Variants in WNT8B observed in about 807,000 individuals in gnomAD.
WNT8B encodes the protein protein Wnt-8b.
WNT8B carries 24 observed loss-of-function variants against 36.6 expected under a neutral mutation model. The observed-to-expected ratio is 0.66, with a 90% CI of 0.48 to 0.92. The LOEUF (loss-of-function observed/expected upper bound fraction) is 0.92. Ranked by LOEUF, WNT8B falls within the 40% of genes least tolerant of loss-of-function variation. WNT8B has a pLI of 0.00. For synonymous variants in WNT8B, 199 were observed against 189.8 expected (o/e 1.05, Z -0.40); for missense variants, 402 against 470.8 (o/e 0.85, Z 1.35).
In WNT8B at chr10:100,481,783, A is replaced by C. The variant is rs1446178832; in HGVS notation, c.368-129A>C. 3 of 1,310,814 alleles carry C rather than the reference A, an allele frequency of 2.3e-6. No homozygotes were observed. In the Admixed American group the frequency reaches 7.7e-5, roughly 34 times the overall value. The allele number at this position is 1,310,814 out of a possible 1,614,324, so 81.2% of individuals were successfully genotyped here. A position where few individuals can be genotyped will look rare whatever the true frequency, so the allele number is the denominator to read the frequency against. On this transcript the variant is annotated intron_variant, in intron 4 of 5. Coordinates refer to ENST00000343737, the MANE Select transcript of WNT8B (RefSeq NM_003393.4). ...TCTAGACGGCAACTGATCTGGATACAGGGCACTCGCCCAACCTTAATCCTC... is the reference window on the plus strand; with the variant it reads ...TCTAGACGGCAACTGATCTGGATACCGGGCACTCGCCCAACCTTAATCCTC...
rs557430650 is a variant in WNT8B, at chr10:100,481,155, G to C, written c.367+32G>C. 5 of 1,610,008 alleles carry C rather than the reference G, an allele frequency of 3.1e-6. No individual in the cohort carries two copies. The Middle Eastern group carries it at 5.1e-4, about 165-fold the overall frequency. On this transcript the variant is annotated intron_variant, in intron 4 of 5. Transcript: ENST00000343737. ...AGTAATGTAGGGATGGGTACCATAG[G>C]CCAGCCAACGCACATAAAGAATGAA...
chr10:100,481,396 A>AG (rs1219985529), intron 4 of WNT8B, among the ~76,000 whole-genome samples: 3 of 152,170 alleles, frequency 2.0e-5, no homozygotes, highest in African/African-American at 7.2e-5. Context: ...CTCAAACACA[A>AG]GGGGAACTTC....
At chr10:100,466,754 T>C (rs1052787935) in intron 1 of WNT8B, among the ~76,000 whole-genome samples, 1 of 152,004 alleles carries the variant, frequency 6.6e-6, no homozygotes, top group Non-Finnish European at 1.5e-5. Context: ...TGGAAAGATA[T>C]TCCTTTTTTT....
Position 100,479,965 on chromosome 10 carries a change from G to A in WNT8B, c.194G>A (p.Cys65Tyr), listed in dbSNP as rs1851089370. ...KYQFAWDRWN[C>Y]PERALQLSSH... ...CAGTTTGCCTGGGACCGCTGGAACT[G>A]CCCTGAGAGAGCCCTGCAGCTGTCC... The change falls in exon 3 of 6, where the codon TGC becomes TAC. Residue 65 changes from cysteine (C) to tyrosine (Y), a missense_variant. Transcript: ENST00000343737. 1 of 1,613,892 alleles carries A rather than the reference G, an allele frequency of 6.2e-7. No individual in the cohort carries two copies. Among genetic ancestry groups the A allele is most frequent in the Non-Finnish European group, 8.5e-7 (1 of 1,179,894 alleles).
intron 1 of WNT8B, among the ~76,000 whole-genome samples, chr10:100,470,232 C>T (rs964479605): frequency 1.3e-5 from 2 of 152,160 alleles, no homozygotes; most frequent in Non-Finnish European, 2.9e-5. Flanking sequence ...CTCAAATGAT[C>T]TTCCCACTTC....
At chr10:100,473,067 T>C (rs1434279232) in intron 1 of WNT8B, among the ~76,000 whole-genome samples, 1 of 152,218 alleles carries the variant, frequency 6.6e-6, no homozygotes, top group Non-Finnish European at 1.5e-5. Flanking sequence ...AATTCACTTT[T>C]ATAGGCACTT....
chr10:100,474,286 C>T (rs1851009414), intron 1 of WNT8B, among the ~76,000 whole-genome samples: 1 of 152,074 alleles, frequency 6.6e-6, no homozygotes. Context: ...ACTGTTTTAC[C>T]ATGTTCTGTC....
At position 100,483,321 on chromosome 10, in the gene WNT8B, T is replaced by G; in HGVS notation, c.*505T>G. ...GGAATCTTGAATGCTTTCTCTCCTC[T>G]TCTCCCTTTCCTTTCCCAGAAAAAC... On this transcript the variant is annotated 3_prime_UTR_variant, in exon 6 of 6. Transcript: ENST00000343737. 6.5e-6 allele frequency: 1 copy of G among 153,078 alleles called. No homozygotes were observed. Among genetic ancestry groups the G allele is most frequent in the Non-Finnish European group, 1.5e-5 (1 of 68,606 alleles). 9.5% of individuals were successfully genotyped at this position (153,078 alleles called of 1,614,324 possible). A position where few individuals can be genotyped will look rare whatever the true frequency, so the allele number is the denominator to read the frequency against.
chr10:100,469,602 A>AATCCCCTCAGGTATTATCAG (rs1360042980), intron 1 of WNT8B, among the ~76,000 whole-genome samples: 1 of 152,258 alleles, frequency 6.6e-6, no homozygotes, highest in Non-Finnish European at 1.5e-5. Flanking sequence ...TTCCAAGTTC[A>AATCCCCTCAGGTATTATCAG]ATCCCCTCAG....
intron 1 of WNT8B, among the ~76,000 whole-genome samples, chr10:100,474,617 T>G (rs896998019): frequency 2.0e-5 from 3 of 152,018 alleles, no homozygotes; most frequent in Non-Finnish European, 4.4e-5. Flanking sequence ...CAGGCTGGAG[T>G]GCAGTGGCAC....
intron 1 of WNT8B, among the ~76,000 whole-genome samples, chr10:100,474,653 C>T (rs1194207107): frequency 1.3e-5 from 2 of 152,082 alleles, no homozygotes; most frequent in Non-Finnish European, 2.9e-5. Flanking sequence ...TAAACTCCAC[C>T]TCCAGGGTTC....
chr10:100,472,744 C>A (rs959885331), intron 1 of WNT8B, among the ~76,000 whole-genome samples: 1 of 152,188 alleles, frequency 6.6e-6, no homozygotes, highest in African/African-American at 2.4e-5. Flanking sequence ...AATCGCTTAC[C>A]ACTTATGCCT....
intron 1 of WNT8B, among the ~76,000 whole-genome samples, chr10:100,467,222 CTGTA>C (rs1370313447): frequency 2.0e-5 from 3 of 152,270 alleles, no homozygotes; most frequent in African/African-American, 7.2e-5. Flanking sequence ...TTTCATTTCT[CTGTA>C]TGCTTCTTAG....
chr10:100,471,083 T>C (rs1170819227), intron 1 of WNT8B, among the ~76,000 whole-genome samples: 2 of 152,258 alleles, frequency 1.3e-5, no homozygotes, highest in Non-Finnish European at 2.9e-5. Flanking sequence ...CATCATGTTA[T>C]AATTGCCCAC....
At chr10:100,465,387 T>C (rs551261906) in intron 1 of WNT8B, among the ~76,000 whole-genome samples, 2 of 152,316 alleles carry the variant, frequency 1.3e-5, no homozygotes, top group East Asian at 3.9e-4. Flanking sequence ...AAGCAGATGA[T>C]GATGATTATA....
chr10:100,479,180 TTTA>T (rs1229840239), intron 2 of WNT8B, 95 bp downstream of exon 2: 5 of 1,227,296 alleles, frequency 4.1e-6, no homozygotes, highest in Non-Finnish European at 5.7e-6. Flanking sequence ...ATCCACATAT[TTTA>T]TTATGCTGTA....
intron 1 of WNT8B, among the ~76,000 whole-genome samples, chr10:100,476,513 T>C (rs1851039665): frequency 6.6e-6 from 1 of 152,224 alleles, no homozygotes; most frequent in Non-Finnish European, 1.5e-5. Flanking sequence ...CAAGAAACTT[T>C]CTTGGTCTAT....
intron 1 of WNT8B, among the ~76,000 whole-genome samples, chr10:100,475,171 C>T (rs188655994): frequency 5.9e-5 from 9 of 151,956 alleles, no homozygotes; most frequent in South Asian, 4.2e-4. Context: ...ACTCGGGAGG[C>T]GGAGGCTGCA....
chr10:100,469,362 C>T (rs891369804), intron 1 of WNT8B, among the ~76,000 whole-genome samples: 1 of 152,092 alleles, frequency 6.6e-6, no homozygotes, highest in Non-Finnish European at 1.5e-5. Flanking sequence ...AGCTTTGTTC[C>T]CTCTTGACAT....
Sources: allele counts gnomAD v4.1 joint callset (sites outside exome capture counted in the v4.1 genomes callset), GRCh38; gene constraint gnomAD v4.1.1; transcripts MANE v1.5; gene names NCBI Gene and HGNC (gene_info 2026-07-23, HGNC 2026-07-21).